RBL2: variants seen among roughly 807,000 people sequenced by gnomAD.
RBL2 encodes RB transcriptional corepressor like 2.
A neutral mutation model predicts 126.0 loss-of-function variants in RBL2; 56 were observed. The ratio of observed to expected loss-of-function variants is 0.44; its 90% CI spans 0.36 to 0.56. The LOEUF (loss-of-function observed/expected upper bound fraction) is 0.56. Ranked by LOEUF, RBL2 falls within the 20% of genes least tolerant of loss-of-function variation. RBL2 has a pLI of 0.00. For synonymous variants in RBL2, 454 were observed against 478.5 expected, an observed-to-expected ratio of 0.95 and a Z score of 0.67; for missense variants, 1,229 against 1,398.2, an observed-to-expected ratio of 0.88 and a Z score of 1.93.
intron 17 of RBL2, among the ~76,000 whole-genome samples, chr16:53,475,505 T>C (rs909420588): frequency 3.7e-4 from 57 of 152,186 alleles, no homozygotes; most frequent in African/African-American, 1.2e-3. Flanking sequence ...CATGAGCCCC[T>C]GTGCCCTGCT....
Position 53,442,717 on chromosome 16 carries a change from A to G in RBL2, c.431A>G (p.His144Arg), listed in dbSNP as rs1253849562. The G allele has an allele frequency of 1.9e-6, 3 of 1,613,844 alleles. No individual in the cohort carries two copies. Among genetic ancestry groups the G allele is most frequent in the Admixed American group, 1.7e-5 (1 of 60,002 alleles). Reference sequence around the variant, plus strand: ...GAAGACATGGCAAATCTACCCCCACATTTCAGAGAACGTACTGAGAGATTA... The same window carrying G: ...GAAGACATGGCAAATCTACCCCCACGTTTCAGAGAACGTACTGAGAGATTA... Reference protein sequence around the residue: ...KWEDMANLPPHFRERTERLER... With the variant: ...KWEDMANLPPRFRERTERLER... Residue 144 changes from histidine (H) to arginine (R), a missense_variant, in exon 3 of 22, where the codon CAT becomes CGT. His to Arg is a conservative substitution (Grantham distance 29, BLOSUM62 0). Transcript: ENST00000262133.
chr16:53,438,052 TAAAC>T (rs1046754313), intron 1 of RBL2, among the ~76,000 whole-genome samples: 4 of 152,114 alleles, frequency 2.6e-5, no homozygotes, highest in African/African-American at 9.6e-5. Context: ...TAAATAAAAA[TAAAC>T]AATAATATTG....
intron 21 of RBL2, among the ~76,000 whole-genome samples, chr16:53,483,947 G>T (rs553677403): frequency 2.1e-5 from 3 of 140,460 alleles, no homozygotes; most frequent in South Asian, 4.4e-4. Context: ...AAAAAAAGGT[G>T]TAAAGGTGTC....
Position 53,470,035 on chromosome 16 carries a change from C to T in RBL2, c.2095C>T (p.Pro699Ser), listed in dbSNP as rs766382060. 3.7e-5 allele frequency: 59 copies of T among 1,614,056 alleles called. No homozygotes were observed. Among genetic ancestry groups the T allele is most frequent in the Non-Finnish European group, 4.2e-5 (49 of 1,180,002 alleles). The change falls in exon 15 of 22, where the codon CCC becomes TCC. Residue 699 changes from proline to serine, a missense_variant. By Grantham distance (74) the Pro-to-Ser change is moderately conservative. Around this residue, in one of 2 missense-constraint regions of RBL2, gnomAD observed 1,070 missense variants for 1,274.3 expected, o/e 0.84. Coordinates refer to ENST00000262133, the MANE Select transcript of RBL2 (RefSeq NM_005611.4). ...TGATGGAGGGACGCCTGGGCGCATG[C>T]CCCCACAGCCCCTAGTCAATGCTGT... Reference protein sequence around the residue: ...PSDGGTPGRMPPQPLVNAVPV... With the variant: ...PSDGGTPGRMSPQPLVNAVPV...
chr16:53,481,858 C>T lies in RBL2; in HGVS notation c.3249+23C>T, dbSNP rs769033940. On this transcript the variant is annotated intron_variant, in intron 21 of 21. Coordinates refer to ENST00000262133, the MANE Select transcript of RBL2 (RefSeq NM_005611.4). ...AAGGTGAGCCTAACATCAATCTTGG[C>T]CTTTACTAACCTCAAAATGCTTCAG... 3.9e-6 allele frequency: 6 copies of T among 1,543,570 alleles called. No homozygotes were observed. In the Admixed American group the frequency reaches 5.0e-5, roughly 13 times the overall value.
intron 17 of RBL2, among the ~76,000 whole-genome samples, chr16:53,477,209 A>ATT (rs1960758032): frequency 1.3e-5 from 2 of 152,366 alleles, no homozygotes; most frequent in African/African-American, 4.8e-5. Flanking sequence ...ATAAATGTAC[A>ATT]ACTCCACCAG....
intron 3 of RBL2, among the ~76,000 whole-genome samples, chr16:53,444,149 T>A (rs2058040741): frequency 6.7e-6 from 1 of 149,774 alleles, no homozygotes; most frequent in Non-Finnish European, 1.5e-5. Flanking sequence ...CTCGGGAGGC[T>A]GAGTCAGTAG....
chr16:53,450,331 GAAAC>G (rs2058103426), intron 4 of RBL2, among the ~76,000 whole-genome samples: 1 of 152,132 alleles, frequency 6.6e-6, no homozygotes, highest in South Asian at 2.1e-4. Context: ...AGGGAAACCT[GAAAC>G]AAAGCTGCAG....
rs777076080 is a variant in RBL2, at chr16:53,490,212, A to T, written c.3332A>T (p.Glu1111Val). Residue 1111 changes from glutamate (E) to valine (V), a missense_variant, in exon 22 of 22, where the codon GAA (glutamate) becomes GTA (valine). By Grantham distance (121) the Glu-to-Val change is moderately radical. This residue lies in a region of RBL2 where 1,070 missense variants were observed against 1,274.3 expected (regional missense o/e 0.84). Coordinates refer to ENST00000262133, the MANE Select transcript of RBL2 (RefSeq NM_005611.4). ...GGAATTCTTTTGGAAGATGGAAGTGAATCACCTGCAAAAAGAATTTGCCCA... is the reference window on the plus strand; with the variant it reads ...GGAATTCTTTTGGAAGATGGAAGTGTATCACCTGCAAAAAGAATTTGCCCA... ...KRGILLEDGS[E>V]SPAKRICPEN... 1 of 1,612,476 alleles carries T rather than the reference A, an allele frequency of 6.2e-7. No homozygotes were observed. The highest frequency in any genetic ancestry group is 8.5e-7 in the Non-Finnish European group (1 of 1,178,748).
intron 4 of RBL2, among the ~76,000 whole-genome samples, chr16:53,447,332 T>C (rs1406940892): frequency 6.6e-6 from 1 of 152,244 alleles, no homozygotes; most frequent in East Asian, 1.9e-4. Context: ...CCATTAACTT[T>C]GTTGTATACA....
At position 53,490,111 on chromosome 16, in the gene RBL2, T is replaced by C. The variant is rs1961355158; in HGVS notation, c.3250-19T>C. ...GTGCATTTGCATTTTAAAATTTTTG[T>C]ATCTTTTTCCCACCATAGAGACTGA... On this transcript the variant is annotated intron_variant, in intron 21 of 21. Coordinates refer to ENST00000262133, the MANE Select transcript of RBL2 (RefSeq NM_005611.4). 1.3e-6 allele frequency: 2 copies of C among 1,524,380 alleles called. 1 individual carries two copies. The highest frequency in any genetic ancestry group is 3.5e-4 in the Middle Eastern group (2 of 5,652). The allele number at this position is 1,524,380 out of a possible 1,614,324, so 94.4% of individuals were successfully genotyped here. A position where few individuals can be genotyped will look rare whatever the true frequency, so the allele number is the denominator to read the frequency against.
rs529749679 is a variant in RBL2, at chr16:53,488,312, G to T, written c.3250-1818G>T. ...ACACTGGATTCAGTAGGCTACTTATGATTCCATTTCTGTGACATTGTGGAA... is the reference window on the plus strand; with the variant it reads ...ACACTGGATTCAGTAGGCTACTTATTATTCCATTTCTGTGACATTGTGGAA... On this transcript the variant is annotated intron_variant, in intron 21 of 21. Coordinates refer to ENST00000262133, the MANE Select transcript of RBL2 (RefSeq NM_005611.4). 8 of 152,342 alleles carry T rather than the reference G, an allele frequency of 5.3e-5. No individual in the cohort carries two copies. The East Asian group carries it at 1.5e-3, about 29-fold the overall frequency. The allele number at this position is 152,342 out of a possible 1,614,324, so 9.4% of individuals were successfully genotyped here. A position where few individuals can be genotyped will look rare whatever the true frequency, so the allele number is the denominator to read the frequency against.
chr16:53,465,981 T>C (rs1487435564), intron 13 of RBL2: 1 of 154,848 alleles, frequency 6.5e-6, no homozygotes, highest in East Asian at 1.9e-4. Flanking sequence ...GCTCTTTGCC[T>C]ACTATGTGTG....
In RBL2 at chr16:53,469,791, T is replaced by C. The variant is rs189526420; in HGVS notation, c.1976-125T>C. ...GGTAAGATATGACTTCTGTAATTCTTGTTTGCTTTTTGAATTATGAAGTAT... is the reference window on the plus strand; with the variant it reads ...GGTAAGATATGACTTCTGTAATTCTCGTTTGCTTTTTGAATTATGAAGTAT... On this transcript the variant is annotated intron_variant, in intron 14 of 21. Coordinates refer to ENST00000262133, the MANE Select transcript of RBL2 (RefSeq NM_005611.4). 30 of 1,157,146 alleles carry C rather than the reference T, an allele frequency of 2.6e-5. No individual in the cohort carries two copies. The African/African-American group carries it at 4.2e-4, about 16-fold the overall frequency. The allele number at this position is 1,157,146 out of a possible 1,614,324, so 71.7% of individuals were successfully genotyped here.
chr16:53,443,947 A>G (rs1374945534), intron 3 of RBL2, among the ~76,000 whole-genome samples: 4 of 152,186 alleles, frequency 2.6e-5, no homozygotes, highest in Non-Finnish European at 4.4e-5. Context: ...GGAATTGACT[A>G]TTTAAAATGA....
At chr16:53,437,926 C>G (rs1356042306) in intron 1 of RBL2, among the ~76,000 whole-genome samples, 3 of 151,698 alleles carry the variant, frequency 2.0e-5, no homozygotes, top group Non-Finnish European at 4.4e-5. Flanking sequence ...ACTCAGGAGG[C>G]TGAGGCAGGA....
At chr16:53,467,190 G>T (rs1020152119) in intron 14 of RBL2, 21 bp downstream of exon 14, 1 of 1,561,746 alleles carries the variant, frequency 6.4e-7, no homozygotes, top group Non-Finnish European at 8.8e-7. Flanking sequence ...AATACTAGGA[G>T]AATATTTTGG....
intron 8 of RBL2, among the ~76,000 whole-genome samples, chr16:53,457,986 T>C (rs2058185377): frequency 6.6e-6 from 1 of 152,156 alleles, no homozygotes; most frequent in Non-Finnish European, 1.5e-5. Context: ...TCATGCACAG[T>C]GAAGTAGTTG....
At chr16:53,480,310 G>C in intron 19 of RBL2, 1 of 540,872 alleles carries the variant, frequency 1.8e-6, no homozygotes, top group Non-Finnish European at 3.3e-6. Context: ...GTACCACTTA[G>C]TACAGGGCTT....
Sources: gnomAD v4.1 joint callset for allele counts (sites outside exome capture counted in the v4.1 genomes callset) on GRCh38, gnomAD v4.1.1 for gene constraint, gnomAD v4.1.1 regional missense constraint, MANE v1.5 for transcripts, NCBI Gene and HGNC (gene_info 2026-07-23, HGNC 2026-07-21) for gene names.